Variants in ZNF569 observed in about 807,000 individuals in gnomAD.
ZNF569 encodes the protein zinc finger protein 569.
In ZNF569, 38 loss-of-function variants were observed where a neutral mutation model predicts 56.3. The ratio of observed to expected loss-of-function variants is 0.68; its 90% CI spans 0.52 to 0.88. The LOEUF (loss-of-function observed/expected upper bound fraction) is 0.88, where lower values mean the gene tolerates loss of function less well. Among genes scored for constraint, ZNF569 ranks in the 40% least tolerant of loss-of-function variants. The probability of loss-of-function intolerance (pLI) is 0.00; values close to 1 mark genes in which losing one functional copy is unlikely to be tolerated. For synonymous variants in ZNF569, 241 were observed against 262.9 expected (o/e 0.92, Z 0.81); for missense variants, 666 against 809.2 (o/e 0.82, Z 2.15).
rs2040870654 is a variant in ZNF569, at chr19:37,413,287, C to G, written c.1371G>C (p.Gln457His). 6.2e-7 allele frequency: 1 copy of G among 1,610,488 alleles called. No homozygotes were observed. ...FIQMSNLVRH[Q>H]RIHTGEKPYI... ...AGGGTTTTTCCCCAGTATGAATTCT[C>G]TGGTGTCTAACAAGATTTGACATCT... Residue 457 changes from glutamine (Q) to histidine (H), a missense_variant, in exon 6 of 6, where the codon CAG becomes CAC. Physicochemically the swap from Gln to His is conservative, Grantham distance 24. Transcript: ENST00000316950.
intron 5 of ZNF569, among the ~76,000 whole-genome samples, chr19:37,414,686 GTAAA>G (rs1278129739): frequency 6.6e-6 from 1 of 151,932 alleles, no homozygotes; most frequent in Non-Finnish European, 1.5e-5. Context: ...AAACAAATAG[GTAAA>G]TAAATAGGAA....
At chr19:37,428,695 T>TA (rs1211373955) in intron 3 of ZNF569, among the ~76,000 whole-genome samples, 1 of 150,564 alleles carries the variant, frequency 6.6e-6, no homozygotes, top group Non-Finnish European at 1.5e-5. Context: ...TTTTTTGAGA[T>TA]AGAGTCTCGC....
chr19:37,460,702 C>A (rs1039953924), intron 2 of ZNF569, among the ~76,000 whole-genome samples: 2 of 151,688 alleles, frequency 1.3e-5, no homozygotes, highest in African/African-American at 2.4e-5. Flanking sequence ...CTGCAGTGTG[C>A]CATGACTGCA....
At chr19:37,463,787 G>A (rs982505232) in intron 2 of ZNF569, among the ~76,000 whole-genome samples, 1 of 152,118 alleles carries the variant, frequency 6.6e-6, no homozygotes, top group African/African-American at 2.4e-5. Flanking sequence ...GGAAGACAGT[G>A]ATATTGATGA....
At chr19:37,457,902 C>CAA (rs1330924422) in intron 2 of ZNF569, among the ~76,000 whole-genome samples, 2 of 151,972 alleles carry the variant, frequency 1.3e-5, no homozygotes, top group African/African-American at 4.8e-5. Flanking sequence ...TTTTTGGAGA[C>CAA]AGAGTCTCGC....
chr19:37,412,826 C>CATTT lies in ZNF569; in HGVS notation c.1828_1831dup (p.Cys611Ter). On this transcript the variant is annotated stop_gained and frameshift_variant, in exon 6 of 6. Coordinates refer to ENST00000316950, the MANE Select transcript of ZNF569 (RefSeq NM_152484.3). LOFTEE classifies it high-confidence loss of function. Reference sequence around the variant, plus strand: ...TGAGCTTTGGGAGAAGGCTTTTCCACATTTATTACATTCATAGGGTTTTTC... The same window carrying CATTT: ...TGAGCTTTGGGAGAAGGCTTTTCCACATTTATTTATTACATTCATAGGGTTTTTC... 1 of 1,613,968 alleles carries CATTT rather than the reference C, an allele frequency of 6.2e-7. No homozygotes were observed. The highest frequency in any genetic ancestry group is 8.5e-7 in the Non-Finnish European group (1 of 1,179,948).
chr19:37,447,519 T>C (rs796501670), intron 2 of ZNF569, among the ~76,000 whole-genome samples: 13 of 152,368 alleles, frequency 8.5e-5, no homozygotes, highest in African/African-American at 3.1e-4. Flanking sequence ...TGGCATTTTC[T>C]ACTTAATTAT....
In ZNF569 at chr19:37,425,924, T is replaced by C. The variant is rs113534919; in HGVS notation, c.182A>G (p.Glu61Gly). 1.9e-6 allele frequency: 3 copies of C among 1,614,026 alleles called. No individual in the cohort carries two copies. The highest frequency in any genetic ancestry group is 1.7e-6 in the Non-Finnish European group (2 of 1,179,962). ...FTKPDVIFKLEQEEEPWVMEE... is the reference protein window; with the variant it reads ...FTKPDVIFKLGQEEEPWVMEE... ...CATCACCCATGGTTCTTCTTCTTGCTCCAATTTGAAAATCACATCAGGTTT... is the reference window on the plus strand; with the variant it reads ...CATCACCCATGGTTCTTCTTCTTGCCCCAATTTGAAAATCACATCAGGTTT... The change falls in exon 5 of 6, where the codon GAG becomes GGG. Residue 61 changes from glutamate to glycine, a missense_variant. Physicochemically the swap from Glu to Gly is moderately conservative, Grantham distance 98 (BLOSUM62 -2). Coordinates refer to ENST00000316950, the MANE Select transcript of ZNF569 (RefSeq NM_152484.3).
At position 37,414,362 on chromosome 19, in the gene ZNF569, A is replaced by G. The variant is rs1467211742; in HGVS notation, c.296T>C (p.Val99Ala). Residue 99 changes from valine (V) to alanine (A), a missense_variant, in exon 6 of 6, where the codon GTT becomes GCT. Coordinates refer to ENST00000316950, the MANE Select transcript of ZNF569 (RefSeq NM_152484.3). Reference protein sequence around the residue: ...QKNQDRLLRQVEVKFQKTLTE... With the variant: ...QKNQDRLLRQAEVKFQKTLTE... ...CAGTGTTTTCTGGAATTTAACTTCA[A>G]CTTGTCTCAAAAGTCTGTCCTGGTT... 5 of 1,611,726 alleles carry G rather than the reference A, an allele frequency of 3.1e-6. No homozygotes were observed. The highest frequency in any genetic ancestry group is 1.7e-5 in the Admixed American group (1 of 59,686).
intron 2 of ZNF569, among the ~76,000 whole-genome samples, chr19:37,450,942 T>C (rs959513669): frequency 1.3e-5 from 2 of 152,238 alleles, no homozygotes; most frequent in African/African-American, 4.8e-5. Flanking sequence ...CCTTGTTATA[T>C]TGATTTCTAG....
chr19:37,468,176 T>C (rs1490347536), upstream of ZNF569: 2 of 546,942 alleles, frequency 3.7e-6, no homozygotes, highest in Admixed American at 3.4e-5. Context: ...AGCCTCGAAC[T>C]CCCGGGCTCA....
intron 5 of ZNF569, among the ~76,000 whole-genome samples, chr19:37,417,346 C>A (rs530487371): frequency 1.3e-5 from 2 of 152,070 alleles, no homozygotes; most frequent in Non-Finnish European, 2.9e-5. Flanking sequence ...CTGCAACCTT[C>A]GACGCTGGGG....
chr19:37,424,394 C>G (rs2041089001), intron 5 of ZNF569, among the ~76,000 whole-genome samples: 1 of 152,092 alleles, frequency 6.6e-6, no homozygotes, highest in African/African-American at 2.4e-5. Context: ...AGGTTGGTAT[C>G]TAGCACACAG....
intron 3 of ZNF569, chr19:37,431,713 C>T (rs766841682): frequency 2.6e-5 from 4 of 152,292 alleles, no homozygotes; most frequent in Non-Finnish European, 4.4e-5. Flanking sequence ...TGGGGTACAG[C>T]ACCAAGTGGG....
At chr19:37,468,921 G>A, upstream of ZNF569, 2 of 434,380 alleles carry the variant, frequency 4.6e-6, no homozygotes, top group Non-Finnish European at 6.1e-6. Context: ...CACAATTCTA[G>A]GAATTCGCCT....
At chr19:37,431,819 C>T (rs2041229713) in intron 3 of ZNF569, among the ~76,000 whole-genome samples, 1 of 152,154 alleles carries the variant, frequency 6.6e-6, no homozygotes, top group African/African-American at 2.4e-5. Context: ...GGGAGAATCC[C>T]AGGCCTGGCA....
rs150540014 is a variant in ZNF569 at position 37,429,244 on chromosome 19, T to C, written c.16-2866A>G. 8.3e-3 allele frequency among the ~76,000 whole-genome samples: 1,259 copies of C among 152,288 alleles called. 7 individuals carry two copies. Among genetic ancestry groups the C allele is most frequent in the Non-Finnish European group, 0.014 (945 of 68,026 alleles). On this transcript the variant is annotated intron_variant, in intron 3 of 5. Coordinates refer to ENST00000316950, the MANE Select transcript of ZNF569 (RefSeq NM_152484.3). ...TAAGTGAACATAAAGGCACGAGGTA[T>C]ACCATTTCTCCTAAGCTTCTACCTT...
At chr19:37,451,190 A>G (rs1470676579) in intron 2 of ZNF569, among the ~76,000 whole-genome samples, 3 of 152,064 alleles carry the variant, frequency 2.0e-5, no homozygotes, top group Non-Finnish European at 4.4e-5. Flanking sequence ...ACCTGAGGTC[A>G]GGAGTTCGAG....
chr19:37,467,775 AGACCCTGTCCAGT>A (rs1329335362), upstream of ZNF569: 3 of 1,062,054 alleles, frequency 2.8e-6, no homozygotes, highest in African/African-American at 4.7e-5. Context: ...CCAGGGCGAG[AGACCCTGTCCAGT>A]GACATCTGAG....
Sources: gnomAD v4.1 joint callset for allele counts (sites outside exome capture counted in the v4.1 genomes callset) on GRCh38, gnomAD v4.1.1 for gene constraint, MANE v1.5 for transcripts, NCBI Gene and HGNC (gene_info 2026-07-23, HGNC 2026-07-21) for gene names.